PIK3C2G: variants seen among roughly 807,000 people sequenced by gnomAD.
PIK3C2G encodes the protein phosphatidylinositol 3-kinase C2 domain-containing subunit gamma.
A neutral mutation model predicts 181.1 loss-of-function variants in PIK3C2G; 168 were observed. The ratio of observed to expected loss-of-function variants is 0.93; its 90% confidence interval spans 0.82 to 1.05. PIK3C2G has a LOEUF of 1.05. Among genes scored for constraint, PIK3C2G ranks in the 50% least tolerant of loss-of-function variants. The pLI, the probability that PIK3C2G is intolerant of heterozygous loss-of-function variation, is 0.00. For synonymous variants in PIK3C2G, 573 were observed against 592.2 expected, an observed-to-expected ratio of 0.97 and a Z score of 0.47; for missense variants, 1,869 against 1,732.8, an observed-to-expected ratio of 1.08 and a Z score of -1.40.
At chr12:18,702,146 A>T in the PIK3C2G span, among the ~76,000 whole-genome samples, 1 of 152,120 alleles carries the variant, frequency 6.6e-6, no homozygotes, top group Non-Finnish European at 1.5e-5. Flanking sequence ...GCTTCAGCTC[A>T]TCATTTTCTT....
chr12:18,545,025 C>CA (rs1944350052), intron 25 of PIK3C2G, among the ~76,000 whole-genome samples: 1 of 151,828 alleles, frequency 6.6e-6, no homozygotes, highest in African/African-American at 2.4e-5. Context: ...TTTCAAGACA[C>CA]AATTAAATCT....
rs149178000 is a variant in PIK3C2G at position 18,614,526 on chromosome 12, A to G, written c.4182+4897A>G. Among the ~76,000 whole-genome samples the G allele has an allele frequency of 2.1e-3, 312 of 152,186 alleles. 2 individuals are homozygous for G. Among genetic ancestry groups the G allele is most frequent in the African/African-American group, 7.1e-3 (293 of 41,536 alleles). On this transcript the variant is annotated intron_variant, in intron 31 of 32. Coordinates refer to ENST00000538779, the MANE Select transcript of PIK3C2G (RefSeq NM_001288772.2). ...CTAATTGTGTCTGCACATTCTCTAA[A>G]CTACTTGGACAGCACTATTTCTGAG...
chr12:18,366,739 T>TAAA (rs34619971), intron 12 of PIK3C2G, among the ~76,000 whole-genome samples: 5 of 146,588 alleles, frequency 3.4e-5, no homozygotes, highest in African/African-American at 1.2e-4. Flanking sequence ...TTCCTTGGTT[T>TAAA]AAAAAAAAAA....
chr12:18,298,598 G>A (rs1029077431), intron 5 of PIK3C2G, among the ~76,000 whole-genome samples: 2 of 151,462 alleles, frequency 1.3e-5, no homozygotes, highest in African/African-American at 2.4e-5. Flanking sequence ...TGCTTTTGAG[G>A]TATTAGCCAT....
At chr12:18,432,563 G>A (rs922912811) in intron 18 of PIK3C2G, among the ~76,000 whole-genome samples, 2 of 152,148 alleles carry the variant, frequency 1.3e-5, no homozygotes, top group East Asian at 3.9e-4. Context: ...GTATTATAGT[G>A]TTTAATTATT....
intron 7 of PIK3C2G, among the ~76,000 whole-genome samples, chr12:18,323,521 C>A (rs571621171): frequency 6.6e-6 from 1 of 152,182 alleles, no homozygotes; most frequent in Non-Finnish European, 1.5e-5. Context: ...CAAAGGGTAT[C>A]TAACACAGAG....
chr12:18,567,795 C>T (rs1415277953), intron 29 of PIK3C2G, among the ~76,000 whole-genome samples: 1 of 152,094 alleles, frequency 6.6e-6, no homozygotes, highest in Admixed American at 6.5e-5. Flanking sequence ...TGACAAGTTA[C>T]CACACACCTG....
intron 18 of PIK3C2G, among the ~76,000 whole-genome samples, chr12:18,475,299 G>C (rs1938863919): frequency 2.0e-5 from 3 of 149,884 alleles, no homozygotes; most frequent in Non-Finnish European, 1.5e-5. Context: ...ACAGGCTTTT[G>C]AAAATTCTTT....
At chr12:18,551,665 T>C (rs1477912587) in intron 26 of PIK3C2G, among the ~76,000 whole-genome samples, 1 of 152,066 alleles carries the variant, frequency 6.6e-6, no homozygotes. Flanking sequence ...AGACAAATTG[T>C]TTGCAATCAT....
chr12:18,396,222 A>G (rs12227441), intron 15 of PIK3C2G, among the ~76,000 whole-genome samples: 19,540 of 151,586 alleles, frequency 0.13, 1,284 homozygotes, highest in African/African-American at 0.16. Context: ...CATTTTATAT[A>G]TAAGCAATTA....
chr12:18,426,448 C>A lies in PIK3C2G; in HGVS notation c.2504+2409C>A, dbSNP rs1592230593. On this transcript the variant is annotated intron_variant, in intron 18 of 32. Transcript: ENST00000538779. ...AAACGATTTATCCTATTATCACCTACACTTGATTCTATTGAACATAATATT... is the reference window on the plus strand; with the variant it reads ...AAACGATTTATCCTATTATCACCTAAACTTGATTCTATTGAACATAATATT... 2.0e-5 allele frequency among the ~76,000 whole-genome samples: 3 copies of A among 152,262 alleles called. 1 individual carries two copies. Among genetic ancestry groups the A allele is most frequent in the Admixed American group, 2.0e-4 (3 of 15,294 alleles).
At chr12:18,381,727 G>A in intron 13 of PIK3C2G, 39 bp from the exon 14 acceptor site, 1 of 1,158,748 alleles carries the variant, frequency 8.6e-7, no homozygotes, top group Non-Finnish European at 1.3e-6. Flanking sequence ...CCCTCATGAA[G>A]TGACTCCTGT....
Position 18,325,089 on chromosome 12 carries a change from GA to G in PIK3C2G, c.1267del (p.Thr423ProfsTer19). On this transcript the variant is annotated frameshift_variant, in exon 8 of 33. Coordinates refer to ENST00000538779, the MANE Select transcript of PIK3C2G (RefSeq NM_001288772.2). LOFTEE classifies it high-confidence loss of function. The stretch of plus-strand genomic sequence containing the variant: ...ATGACTTCCACCTGAAATACCTATT[GA>G]AAACCCAGGTATTGACTTTTGTTAC... Reference protein sequence around the residue: ...KYDFHLKYLLKTQENVYNIIE... With the variant: ...KYDFHLKYLLXTQENVYNIIE... 1 of 1,541,838 alleles carries G rather than the reference GA, an allele frequency of 6.5e-7. No homozygotes were observed. Among genetic ancestry groups the G allele is most frequent in the South Asian group, 1.1e-5 (1 of 87,980 alleles).
At chr12:18,249,700 C>T (rs1320800079) in intron 1 of PIK3C2G, among the ~76,000 whole-genome samples, 5 of 151,986 alleles carry the variant, frequency 3.3e-5, no homozygotes, top group Non-Finnish European at 7.4e-5. Flanking sequence ...ATTATTTGAA[C>T]AGTATATATC....
chr12:18,381,018 T>G (rs564272161), intron 13 of PIK3C2G, among the ~76,000 whole-genome samples: 156 of 152,322 alleles, frequency 1.0e-3, no homozygotes, highest in African/African-American at 3.6e-3. Flanking sequence ...ACTGGAACAT[T>G]TTACTGATAT....
At chr12:18,540,277 T>C (rs1036829480) in intron 25 of PIK3C2G, among the ~76,000 whole-genome samples, 1 of 151,912 alleles carries the variant, frequency 6.6e-6, no homozygotes, top group African/African-American at 2.4e-5. Context: ...CCTATAATGA[T>C]ATAAATAACT....
chr12:18,281,262 A>C (rs545385920), intron 1 of PIK3C2G, among the ~76,000 whole-genome samples: 1 of 126,814 alleles, frequency 7.9e-6, no homozygotes, highest in South Asian at 2.6e-4. Flanking sequence ...GAAAATGCAT[A>C]ATAGGCAAAA....
intron 16 of PIK3C2G, among the ~76,000 whole-genome samples, chr12:18,415,574 TA>T (rs1468856973): frequency 6.6e-6 from 1 of 152,194 alleles, no homozygotes; most frequent in Non-Finnish European, 1.5e-5. Flanking sequence ...AAGGAAGAGT[TA>T]TATGTCTTCC....
At chr12:18,580,543 C>T (rs945565025) in intron 29 of PIK3C2G, among the ~76,000 whole-genome samples, 1 of 152,136 alleles carries the variant, frequency 6.6e-6, no homozygotes, top group African/African-American at 2.4e-5. Flanking sequence ...GATTATGTTG[C>T]ACGCAGGATA....
Sources: gnomAD v4.1 joint callset for allele counts (sites outside exome capture counted in the v4.1 genomes callset) on GRCh38, gnomAD v4.1.1 for gene constraint, MANE v1.5 for transcripts, NCBI Gene and HGNC (gene_info 2026-07-23, HGNC 2026-07-21) for gene names.